The following PDXK variants were observed in gnomAD, a reference collection of about 807,000 sequenced individuals.
The protein encoded by PDXK is epididymis secretory sperm binding protein Li 1a.
A neutral mutation model predicts 43.2 loss-of-function variants in PDXK; 15 were observed. That is an observed-to-expected ratio of 0.35 (90% CI 0.23 to 0.53). PDXK has a LOEUF of 0.53. PDXK is among the 20% of genes least tolerant of loss of function. The probability of loss-of-function intolerance (pLI) is 0.92; values close to 1 mark genes in which losing one functional copy is unlikely to be tolerated. For synonymous variants in PDXK, 172 were observed against 165.4 expected (o/e 1.04, Z -0.31); for missense variants, 343 against 417.0 (o/e 0.82, Z 1.54).
In PDXK at chr21:43,727,625, C is replaced by T. The variant is rs1295055763; in HGVS notation, c.88-6444C>T. Among the ~76,000 whole-genome samples the T allele has an allele frequency of 5.3e-5, 8 of 152,308 alleles. No individual in the cohort carries two copies. The East Asian group carries it at 1.5e-3, about 29-fold the overall frequency. On this transcript the variant is annotated intron_variant, in intron 1 of 10. Transcript: ENST00000291565. ...AGGACAGCTAAACGAGGAAGCTGTG[C>T]AGTGCACACAGGTTTGGCTGACCCC...
At chr21:43,726,751 C>T (rs541292459) in intron 1 of PDXK, among the ~76,000 whole-genome samples, 14 of 152,260 alleles carry the variant, frequency 9.2e-5, no homozygotes, top group Non-Finnish European at 1.0e-4. Flanking sequence ...TTGCCTCTGG[C>T]TCTAGCCCAC....
At chr21:43,736,146 CT>C (rs1294079884) in intron 2 of PDXK, among the ~76,000 whole-genome samples, 1 of 152,172 alleles carries the variant, frequency 6.6e-6, no homozygotes, top group Non-Finnish European at 1.5e-5. Flanking sequence ...TTTGTTCCCC[CT>C]ACCCTCTGTC....
At chr21:43,747,168 A>G (rs1601824482) in intron 5 of PDXK, 1 of 152,346 alleles carries the variant, frequency 6.6e-6, no homozygotes, top group Non-Finnish European at 1.5e-5. Context: ...CACTTAACCC[A>G]TGAGCTGTGT....
chr21:43,735,119 G>T lies in PDXK; in HGVS notation c.142+996G>T, dbSNP rs959501098. Among the ~76,000 whole-genome samples, 2 of 152,248 alleles carry T rather than the reference G, an allele frequency of 1.3e-5. No homozygotes were observed. The highest frequency in any genetic ancestry group is 2.9e-5 in the Non-Finnish European group (2 of 68,042). The stretch of plus-strand genomic sequence containing the variant: ...TGCAGATGGACAAGCTCCAGCTCTC[G>T]CTGAAACCCTTTCCTGCCTTTGCTT... On this transcript the variant is annotated intron_variant, in intron 2 of 10. Coordinates refer to ENST00000291565, the MANE Select transcript of PDXK (RefSeq NM_003681.5). The surrounding 1 kb of genome is among the most constrained non-coding windows in gnomAD (Gnocchi z 5.3).
At chr21:43,726,944 CGT>C (rs1159251830) in intron 1 of PDXK, among the ~76,000 whole-genome samples, 5 of 151,938 alleles carry the variant, frequency 3.3e-5, no homozygotes, top group African/African-American at 4.8e-5. Flanking sequence ...GTGTGCATGG[CGT>C]GTGTGCACAT....
In PDXK at chr21:43,743,724, G is replaced by T; in HGVS notation, c.248G>T (p.Gly83Val). ...GGTGACCTGGATTCTCCCCCTAAAG[G>T]TTATACGAGGGACAAGTCGTTCCTG... is the stretch of plus-strand genomic sequence containing the variant. ...NMNKYDYVLT[G>V]YTRDKSFLAM... The change falls in exon 4 of 11, where the codon GGT becomes GTT. Residue 83 changes from glycine to valine, a missense_variant and splice_region_variant. Gly to Val is a moderately radical substitution (Grantham distance 109). Transcript: ENST00000291565. 2 of 1,609,210 alleles carry T rather than the reference G, an allele frequency of 1.2e-6. No individual in the cohort carries two copies. The highest frequency in any genetic ancestry group is 1.1e-5 in the South Asian group (1 of 90,988).
chr21:43,740,994 C>T (rs1259313198), intron 2 of PDXK: 1 of 149,610 alleles, frequency 6.7e-6, no homozygotes, highest in Non-Finnish European at 1.5e-5. Flanking sequence ...AGGGAGTAGC[C>T]AGGGGCCTTC....
chr21:43,752,118 T>C (rs2083761706), intron 7 of PDXK, among the ~76,000 whole-genome samples: 1 of 152,068 alleles, frequency 6.6e-6, no homozygotes, highest in Non-Finnish European at 1.5e-5. Context: ...TGTGTGTGTG[T>C]GTGTGTGTGC....
At chr21:43,755,491 G>A (rs558096469) in intron 9 of PDXK, 1 of 589,334 alleles carries the variant, frequency 1.7e-6, no homozygotes, top group East Asian at 2.8e-5. Context: ...CTGGGACCGG[G>A]CATCTGCTCA....
At position 43,719,569 on chromosome 21, in the gene PDXK, G is replaced by T. The variant is rs959032734; in HGVS notation, c.87+188G>T. The T allele has an allele frequency of 1.1e-5, 11 of 979,000 alleles. No individual in the cohort carries two copies. In the African/African-American group the frequency reaches 1.2e-4, roughly 11 times the overall value. 60.6% of individuals were successfully genotyped at this position (979,000 alleles called of 1,614,324 possible). A position where few individuals can be genotyped will look rare whatever the true frequency, so the allele number is the denominator to read the frequency against. ...TGGCTTGCGGGGGCGGAAGCGGAGG[G>T]CTGAGCGCTCTGCGGGCCCCTGCGG... is the stretch of plus-strand genomic sequence containing the variant. On this transcript the variant is annotated intron_variant, in intron 1 of 10. Coordinates refer to ENST00000291565, the MANE Select transcript of PDXK (RefSeq NM_003681.5).
chr21:43,760,296 C>G lies in PDXK; in HGVS notation c.*4233C>G, dbSNP rs1445916895. 1.3e-5 allele frequency: 2 copies of G among 152,280 alleles called. No homozygotes were observed. Among genetic ancestry groups the G allele is most frequent in the Non-Finnish European group, 2.9e-5 (2 of 68,072 alleles). 9.4% of individuals were successfully genotyped at this position (152,280 alleles called of 1,614,324 possible). The stretch of plus-strand genomic sequence containing the variant: ...GGTTCAAGTGGTTCTCCTGCCCCAG[C>G]CTCCCAAGTAGCTGGGATTACAGGC... On this transcript the variant is annotated 3_prime_UTR_variant, in exon 11 of 11. Coordinates refer to ENST00000291565, the MANE Select transcript of PDXK (RefSeq NM_003681.5).
rs1051001462 is a variant in PDXK, at chr21:43,760,470, C to A, written c.*4407C>A. 2.0e-5 allele frequency: 3 copies of A among 152,288 alleles called. No homozygotes were observed. The highest frequency in any genetic ancestry group is 4.4e-5 in the Non-Finnish European group (3 of 68,096). The allele number at this position is 152,288 out of a possible 1,614,324, so 9.4% of individuals were successfully genotyped here. A position where few individuals can be genotyped will look rare whatever the true frequency, so the allele number is the denominator to read the frequency against. On this transcript the variant is annotated 3_prime_UTR_variant, in exon 11 of 11. Transcript: ENST00000291565. Reference sequence around the variant, plus strand: ...GGGATTACAGGCATGAGCCAGTGCACCCGGCGGAATCTTGGAATTTTTATA... The same window carrying A: ...GGGATTACAGGCATGAGCCAGTGCAACCGGCGGAATCTTGGAATTTTTATA...
Position 43,755,736 on chromosome 21 carries a change from T to G in PDXK, c.798T>G (p.Val266=). 6.2e-7 allele frequency: 1 copy of G among 1,614,136 alleles called. No individual in the cohort carries two copies. Among genetic ancestry groups the G allele is most frequent in the Non-Finnish European group, 8.5e-7 (1 of 1,179,996 alleles). Residue 266 remains valine (V), a synonymous_variant, in exon 10 of 11, where the codon GTT becomes GTG. Transcript: ENST00000291565. ...AGACCGTGTCTACCTTGCACCACGT[T>G]CTGCAGAGGACCATCCAGTGTGCAA... ...CEKTVSTLHH[V]LQRTIQCAKA...
intron 1 of PDXK, among the ~76,000 whole-genome samples, chr21:43,720,312 G>T (rs2147197341): frequency 1.3e-5 from 2 of 152,302 alleles, no homozygotes; most frequent in East Asian, 3.9e-4. Context: ...GAGCAGGTAT[G>T]CCTGGTCCCT....
intron 2 of PDXK, chr21:43,738,802 C>T (rs569271251): frequency 6.6e-6 from 1 of 152,592 alleles, no homozygotes; most frequent in South Asian, 2.1e-4. Context: ...ACTGTTTCGC[C>T]CTGAATATCT....
intron 4 of PDXK, chr21:43,744,680 G>C (rs1460723979): frequency 1.3e-5 from 2 of 152,242 alleles, no homozygotes; most frequent in Non-Finnish European, 2.9e-5. Context: ...GAGTATGAAA[G>C]GGTGCAACCA....
intron 8 of PDXK, among the ~76,000 whole-genome samples, 194 bp downstream of exon 8, chr21:43,752,823 C>A (rs1257595316): frequency 6.6e-6 from 1 of 152,174 alleles, no homozygotes; most frequent in African/African-American, 2.4e-5. Context: ...GATGAATGGC[C>A]TGGCTGGAAC....
Position 43,750,536 on chromosome 21 carries a change from A to C in PDXK, c.501A>C (p.Glu167Asp). The change falls in exon 7 of 11, where the codon GAA becomes GAC. Residue 167 changes from glutamate (E) to aspartate (D), a missense_variant. Transcript: ENST00000291565. The stretch of plus-strand genomic sequence containing the variant: ...GCCGGAAGATCCACAGCCAGGAGGA[A>C]GCCTTGCGGGTAAGGAGGCCCTCTG... ...LSGRKIHSQE[E>D]ALRVMDMLHS... The C allele has an allele frequency of 6.2e-7, 1 of 1,613,018 alleles. No individual in the cohort carries two copies. Among genetic ancestry groups the C allele is most frequent in the Non-Finnish European group, 8.5e-7 (1 of 1,179,416 alleles).
At position 43,760,079 on chromosome 21, in the gene PDXK, T is replaced by C. The variant is rs2083909699; in HGVS notation, c.*4016T>C. 6.5e-6 allele frequency: 1 copy of C among 153,740 alleles called. No homozygotes were observed. Among genetic ancestry groups the C allele is most frequent in the Admixed American group, 6.5e-5 (1 of 15,282 alleles). 9.5% of individuals were successfully genotyped at this position (153,740 alleles called of 1,614,324 possible). ...CTGAGCCTGTATGGCCCTGTAGCCC[T>C]GGGCAGAGCTGGGCCTGTCGTGTGT... On this transcript the variant is annotated 3_prime_UTR_variant, in exon 11 of 11. Transcript: ENST00000291565.
Sources: gnomAD v4.1 joint callset for allele counts (sites outside exome capture counted in the v4.1 genomes callset) on GRCh38, gnomAD v4.1.1 for gene constraint, Gnocchi (gnomAD v3.1) non-coding constraint, MANE v1.5 for transcripts, NCBI Gene and HGNC (gene_info 2026-07-23, HGNC 2026-07-21) for gene names.